Variants in MTMR6 observed in about 807,000 individuals in gnomAD.
The protein encoded by MTMR6 is myotubularin related protein 6, also known as phosphatidylinositol-3,5-bisphosphate 3-phosphatase MTMR6.
A neutral mutation model predicts 80.1 loss-of-function variants in MTMR6; 47 were observed. That is an observed-to-expected ratio of 0.59 (90% CI 0.46 to 0.75). The LOEUF is 0.75. MTMR6 is among the 30% of genes least tolerant of loss of function. The pLI is 0.00. For synonymous variants in MTMR6, 254 were observed against 253.0 expected, an observed-to-expected ratio of 1.00 and a Z score of -0.04; for missense variants, 629 against 730.9, an observed-to-expected ratio of 0.86 and a Z score of 1.61.
rs185179764 is a variant in MTMR6 at position 25,254,086 on chromosome 13, G to A, written c.1146-122C>T. The stretch of plus-strand genomic sequence containing the variant: ...ACTGTTACATTAGCATGCAAAACTA[G>A]AATTTTTATTGAAACCATTTATGAG... On this transcript the variant is annotated intron_variant, in intron 10 of 13. Coordinates refer to ENST00000381801, the MANE Select transcript of MTMR6 (RefSeq NM_004685.5). 47 of 1,016,834 alleles carry A rather than the reference G, an allele frequency of 4.6e-5. No homozygotes were observed. The Admixed American group carries it at 1.1e-3, about 24-fold the overall frequency. 63.0% of individuals were successfully genotyped at this position (1,016,834 alleles called of 1,614,324 possible). A position where few individuals can be genotyped will look rare whatever the true frequency, so the allele number is the denominator to read the frequency against.
In MTMR6 at chr13:25,247,487, A is replaced by G. The variant is rs1263845966; in HGVS notation, c.*1745T>C. ...AATATATGTCTGAAGTTGAAGATTA[A>G]GATAATAAACCAGAGTTGAATACAA... On this transcript the variant is annotated 3_prime_UTR_variant, in exon 14 of 14. Transcript: ENST00000381801. The G allele has an allele frequency of 6.6e-6, 1 of 152,486 alleles. No homozygotes were observed. Among genetic ancestry groups the G allele is most frequent in the Non-Finnish European group, 1.5e-5 (1 of 68,016 alleles). 9.4% of individuals were successfully genotyped at this position (152,486 alleles called of 1,614,324 possible).
chr13:25,258,417 TTAAG>T (rs1487956175), intron 7 of MTMR6, 139 bp downstream of exon 7: 127 of 593,598 alleles, frequency 2.1e-4, no homozygotes, highest in African/African-American at 2.0e-3. Flanking sequence ...TTATAATATA[TTAAG>T]TAAGGATATT....
intron 9 of MTMR6, among the ~76,000 whole-genome samples, 185 bp downstream of exon 9, chr13:25,257,010 AC>A (rs1404473405): frequency 2.6e-5 from 4 of 152,026 alleles, no homozygotes; most frequent in Admixed American, 2.0e-4. Flanking sequence ...TGTGAGGCTG[AC>A]CCCCCAGCAA....
chr13:25,262,045 C>G (rs773841855), intron 5 of MTMR6, among the ~76,000 whole-genome samples: 1 of 152,074 alleles, frequency 6.6e-6, no homozygotes, highest in Non-Finnish European at 1.5e-5. Flanking sequence ...AAACCTGGGT[C>G]CTAAGAAATA....
rs530263448 is a variant in MTMR6, at chr13:25,274,437, T to C, written c.25-250A>G. On this transcript the variant is annotated intron_variant, in intron 1 of 13. Transcript: ENST00000381801. The stretch of plus-strand genomic sequence containing the variant: ...ATTGTAAAAAACAGTAACACTTATA[T>C]TGAGGGTAGCAAGAAACAGGGGTAC... Among the ~76,000 whole-genome samples, 20 of 152,312 alleles carry C rather than the reference T, an allele frequency of 1.3e-4. No homozygotes were observed. The South Asian group carries it at 1.4e-3, about 11-fold the overall frequency.
rs762090917 is a variant in MTMR6, at chr13:25,258,569, A to G, written c.850T>C (p.Leu284=). ...GTAAGCAATAATATACCTTCCAATA[A>G]TTTCTGAAGGCTGGACCTCATGACA... The part of the protein sequence containing the change: ...IHVMRSSLQK[L]LEVNGTKGLS... Residue 284 remains leucine, a synonymous_variant, in exon 7 of 14, where the codon TTA becomes CTA. Transcript: ENST00000381801. The G allele has an allele frequency of 1.3e-6, 2 of 1,588,914 alleles. No individual in the cohort carries two copies. The highest frequency in any genetic ancestry group is 1.7e-6 in the Non-Finnish European group (2 of 1,172,972).
rs1411045839 is a variant in MTMR6 at position 25,287,311 on chromosome 13, G to A, written c.-64C>T. The A allele has an allele frequency of 4.5e-6, 7 of 1,549,846 alleles. No individual in the cohort carries two copies. The highest frequency in any genetic ancestry group is 2.4e-5 in the East Asian group (1 of 41,388). On this transcript the variant is annotated 5_prime_UTR_variant, in exon 1 of 14. Transcript: ENST00000381801. ...TACCATACGGCTACAGAAACAGGGC[G>A]GTGACAGCGACAGAGAGCAAGCGGG...
chr13:25,263,398 T>C (rs564458547), intron 5 of MTMR6, among the ~76,000 whole-genome samples: 145 of 152,282 alleles, frequency 9.5e-4, no homozygotes, highest in Admixed American at 3.9e-3. Flanking sequence ...GAAGACTCTA[T>C]AGACAATAGA....
rs1957001014 is a variant in MTMR6, at chr13:25,247,407, G to A, written c.*1825C>T. 6.6e-6 allele frequency: 1 copy of A among 152,562 alleles called. No homozygotes were observed. The allele number at this position is 152,562 out of a possible 1,614,324, so 9.5% of individuals were successfully genotyped here. On this transcript the variant is annotated 3_prime_UTR_variant, in exon 14 of 14. Coordinates refer to ENST00000381801, the MANE Select transcript of MTMR6 (RefSeq NM_004685.5). ...TGCTTTTGCCAACATATACCCTGTA[G>A]GTCACTTAAGATGTAACTGATTTCT...
At chr13:25,250,965 G>T (rs1251576324) in intron 13 of MTMR6, among the ~76,000 whole-genome samples, 1 of 152,002 alleles carries the variant, frequency 6.6e-6, no homozygotes, top group Non-Finnish European at 1.5e-5. Flanking sequence ...GGTGAAGACT[G>T]GGTAAGAGTA....
intron 1 of MTMR6, among the ~76,000 whole-genome samples, chr13:25,276,272 A>AAT: frequency 6.6e-6 from 1 of 152,336 alleles, no homozygotes; most frequent in Non-Finnish European, 1.5e-5. Context: ...ACAGTTGATG[A>AAT]ATATATATGG....
At chr13:25,275,010 T>C (rs1957687504) in intron 1 of MTMR6, among the ~76,000 whole-genome samples, 3 of 32,934 alleles carry the variant, frequency 9.1e-5, no homozygotes, top group South Asian at 8.2e-4. Flanking sequence ...ACACACACTA[T>C]GTTGCTGCTG....
intron 2 of MTMR6, among the ~76,000 whole-genome samples, chr13:25,271,212 A>G (rs1957568134): frequency 6.6e-6 from 1 of 152,060 alleles, no homozygotes; most frequent in East Asian, 1.9e-4. Context: ...CCGGATTTTC[A>G]AACAATCAGA....
In MTMR6 at chr13:25,266,203, G is replaced by T; in HGVS notation, c.388C>A (p.Leu130Ile). The change falls in exon 4 of 14, where the codon CTC (leucine) becomes ATC (isoleucine). Residue 130 changes from leucine to isoleucine, a missense_variant. Physicochemically the swap from Leu to Ile is conservative, Grantham distance 5 (BLOSUM62 2). Transcript: ENST00000381801. ...ERLQGWQLID[L>I]AEEYKRMGVP... is the part of the protein sequence containing the mutation. ...CCCATCCTCTTATATTCCTCAGCGA[G>T]ATCAATGAGCTGCCAGCCTTGTAGT... The T allele has an allele frequency of 6.2e-7, 1 of 1,614,084 alleles. No homozygotes were observed.
chr13:25,263,644 T>C (rs1421874621), intron 5 of MTMR6, among the ~76,000 whole-genome samples: 1 of 152,158 alleles, frequency 6.6e-6, no homozygotes, highest in Non-Finnish European at 1.5e-5. Context: ...CCCAGCACTT[T>C]GGGAGGCCGA....
intron 2 of MTMR6, among the ~76,000 whole-genome samples, chr13:25,273,465 G>A (rs151219528): frequency 6.6e-5 from 10 of 150,998 alleles, no homozygotes; most frequent in Admixed American, 2.0e-4. Context: ...CAAACAATCC[G>A]TTTGATCTGT....
At chr13:25,260,736 A>T in intron 6 of MTMR6, 1 of 982,528 alleles carries the variant, frequency 1.0e-6, no homozygotes, top group Non-Finnish European at 1.3e-6. Context: ...TGAGGATTTT[A>T]ATTATTTTAG....
In MTMR6 at chr13:25,253,820, A is replaced by G; in HGVS notation, c.1290T>C (p.His430=). The G allele has an allele frequency of 6.2e-7, 1 of 1,614,128 alleles. No homozygotes were observed. The highest frequency in any genetic ancestry group is 1.6e-4 in the Middle Eastern group (1 of 6,062). Reference sequence around the variant, plus strand: ...CAAGGAAGTTTCCAAACTGGCATGAATGAATATGCTCATGGATCTGAAGAA... The same window carrying G: ...CAAGGAAGTTTCCAAACTGGCATGAGTGAATATGCTCATGGATCTGAAGAA... ...AFLLQIHEHI[H]SCQFGNFLGN... Residue 430 remains histidine (H), a synonymous_variant, in exon 11 of 14, where the codon CAT becomes CAC. Transcript: ENST00000381801.
In MTMR6 at chr13:25,267,927, A is replaced by G. The variant is rs1409085902; in HGVS notation, c.156T>C (p.His52=). The G allele has an allele frequency of 1.9e-6, 3 of 1,608,718 alleles. No individual in the cohort carries two copies. Among genetic ancestry groups the G allele is most frequent in the South Asian group, 1.1e-5 (1 of 89,446 alleles). The change falls in exon 3 of 14, where the codon CAT becomes CAC. Residue 52 remains histidine (H), a synonymous_variant. Coordinates refer to ENST00000381801, the MANE Select transcript of MTMR6 (RefSeq NM_004685.5). ...AAGCAAGTTTCTCTACTGAGGCAATATGGTGGTGTAATATCTACAGCATGA... is the reference window on the plus strand; with the variant it reads ...AAGCAAGTTTCTCTACTGAGGCAATGTGGTGGTGTAATATCTACAGCATGA... ...HQKETWILHH[H]IASVEKLALT...
Sources: allele counts gnomAD v4.1 joint callset (sites outside exome capture counted in the v4.1 genomes callset), GRCh38; gene constraint gnomAD v4.1.1; transcripts MANE v1.5; gene names NCBI Gene and HGNC (gene_info 2026-07-23, HGNC 2026-07-21).